The following PLIN4 variants were observed in gnomAD, a reference collection of about 807,000 sequenced individuals.
The protein encoded by PLIN4 is perilipin 4, also known as perilipin-4.
A neutral mutation model predicts 52.4 loss-of-function variants in PLIN4; 57 were observed. The ratio of observed to expected loss-of-function variants is 1.09; its 90% CI spans 0.88 to 1.36. The LOEUF is 1.36. PLIN4 is among the 40% of genes most tolerant of loss of function. The pLI, the probability that PLIN4 is intolerant of heterozygous loss-of-function variation, is 0.00. For missense variants in PLIN4, 1,757 were observed against 1,770.3 expected (o/e 0.99, Z 0.13); for synonymous variants, 826 against 785.4 (o/e 1.05, Z -0.86).
chr19:4,511,368 G>A lies in PLIN4; in HGVS notation c.2592C>T (p.Thr864=), dbSNP rs776309804. Residue 864 remains threonine (T), a synonymous_variant, in exon 5 of 8, where the codon ACC becomes ACT. Coordinates refer to ENST00000301286, the MANE Select transcript of PLIN4 (RefSeq NM_001367868.2). Reference sequence around the variant, plus strand: ...CAGCACCGGTCACCCCACTGCCAAGGGTGTTCTTTGTACCTGTTGCGATAT... The same window carrying A: ...CAGCACCGGTCACCCCACTGCCAAGAGTGTTCTTTGTACCTGTTGCGATAT... ...TQNIATGTKN[T]LGSGVTGAAK... is the part of the protein sequence containing the mutation. The A allele has an allele frequency of 6.4e-6, 10 of 1,573,448 alleles. No homozygotes were observed. The highest frequency in any genetic ancestry group is 7.8e-6 in the Non-Finnish European group (9 of 1,158,952).
At position 4,511,206 on chromosome 19, in the gene PLIN4, G is replaced by T; in HGVS notation, c.2754C>A (p.Asp918Glu). 6.2e-7 allele frequency: 1 copy of T among 1,612,408 alleles called. No homozygotes were observed. Among genetic ancestry groups the T allele is most frequent in the African/African-American group, 1.3e-5 (1 of 75,000 alleles). ...LAKGTVQTGVDTSKTVLTGTK... is the reference protein window; with the variant it reads ...LAKGTVQTGVETSKTVLTGTK... ...TACCGGTCAGGACAGTCTTGCTGGT[G>T]TCCACGCCGGTCTGGACAGTCCCTT... The change falls in exon 5 of 8, where the codon GAC becomes GAA. Residue 918 changes from aspartate (D) to glutamate (E), a missense_variant. Asp to Glu is a conservative substitution (Grantham distance 45). Transcript: ENST00000301286.
intron 6 of PLIN4, among the ~76,000 whole-genome samples, chr19:4,505,866 G>A (rs982722388): frequency 2.0e-5 from 3 of 152,002 alleles, no homozygotes; most frequent in African/African-American, 7.3e-5. Context: ...TATCCACTCT[G>A]CAACCCGCCC....
Position 4,513,558 on chromosome 19 carries a change from G to T in PLIN4, c.402C>A (p.Gly134=). The change falls in exon 5 of 8, where the codon GGC becomes GGA. Residue 134 remains glycine, a synonymous_variant. Coordinates refer to ENST00000301286, the MANE Select transcript of PLIN4 (RefSeq NM_001367868.2). The part of the protein sequence containing the change: ...GLDTTRSALT[G]TKEVVSSGVT... ...CCCCGCTGGACACCACCTCCTTGGT[G>T]CCCGTAAGTGCAGACCGAGTGGTGT... 6.2e-7 allele frequency: 1 copy of T among 1,607,010 alleles called. No homozygotes were observed.
chr19:4,513,289 A>ACG lies in PLIN4; in HGVS notation c.669_670dup (p.Val224AlafsTer9). Reference sequence around the variant, plus strand: ...GGTCAGCACAGCCTTGGAGGTTTCCACGCCAGTCTGGACAGTCCCTTTGGC... The same window carrying ACG: ...GGTCAGCACAGCCTTGGAGGTTTCCACGCGCCAGTCTGGACAGTCCCTTTGGC... On this transcript the variant is annotated frameshift_variant, in exon 5 of 8. Transcript: ENST00000301286. LOFTEE classifies it high-confidence loss of function. 6.2e-7 allele frequency: 1 copy of ACG among 1,613,622 alleles called. No individual in the cohort carries two copies. Among genetic ancestry groups the ACG allele is most frequent in the Non-Finnish European group, 8.5e-7 (1 of 1,179,850 alleles).
At chr19:4,510,381 A>AG in intron 5 of PLIN4, 65 bp downstream of exon 5, 1 of 1,315,680 alleles carries the variant, frequency 7.6e-7, no homozygotes, top group East Asian at 2.8e-5. Flanking sequence ...AAAAAACAAA[A>AG]CAGTCAAGGA....
rs113780287 is a variant in PLIN4, at chr19:4,511,626, T to C, written c.2334A>G (p.Lys778=). 3,001 of 1,156,044 alleles carry C rather than the reference T, an allele frequency of 2.6e-3. 3 individuals are homozygous for C. The African/African-American group carries it at 0.043, about 16-fold the overall frequency. 71.6% of individuals were successfully genotyped at this position (1,156,044 alleles called of 1,614,324 possible). ...TGLTGAVKLA[K]GTVQTGMDTT... ...TGTCCATGCCGGTCTGGACAGTCCC[T>C]TTGGCCAACTTCACAGCCCCTGTGA... Residue 778 remains lysine, a synonymous_variant, in exon 5 of 8, where the codon AAA becomes AAG. Coordinates refer to ENST00000301286, the MANE Select transcript of PLIN4 (RefSeq NM_001367868.2).
At position 4,504,370 on chromosome 19, in the gene PLIN4, C is replaced by A; in HGVS notation, c.*89G>T. Reference sequence around the variant, plus strand: ...AGGTCTAGGGCTTTAGGGAACCGATCCAGGTTTGGGGGCGGGGAGAAAGTT... The same window carrying A: ...AGGTCTAGGGCTTTAGGGAACCGATACAGGTTTGGGGGCGGGGAGAAAGTT... On this transcript the variant is annotated 3_prime_UTR_variant, in exon 8 of 8. Coordinates refer to ENST00000301286, the MANE Select transcript of PLIN4 (RefSeq NM_001367868.2). The A allele has an allele frequency of 7.7e-7, 1 of 1,299,194 alleles. No homozygotes were observed. The highest frequency in any genetic ancestry group is 1.0e-6 in the Non-Finnish European group (1 of 976,340). The allele number at this position is 1,299,194 out of a possible 1,614,324, so 80.5% of individuals were successfully genotyped here.
rs533262798 is a variant in PLIN4, at chr19:4,513,820, C to T, written c.259-119G>A. The T allele has an allele frequency of 2.9e-4, 373 of 1,278,828 alleles. 6 individuals are homozygous for T. Among genetic ancestry groups the T allele is most frequent in the Non-Finnish European group, 1.3e-5 (12 of 959,842 alleles). 79.2% of individuals were successfully genotyped at this position (1,278,828 alleles called of 1,614,324 possible). A position where few individuals can be genotyped will look rare whatever the true frequency, so the allele number is the denominator to read the frequency against. ...GCAAGGAACTGCAGGCACCCAGAGG[C>T]CCCACCTCCTCAAAAAGCAAGCTGC... On this transcript the variant is annotated intron_variant, in intron 4 of 7. Transcript: ENST00000301286.
At position 4,518,045 on chromosome 19, in the gene PLIN4, G is replaced by A. The variant is rs374752898; in HGVS notation, c.51+177C>T. Among the ~76,000 whole-genome samples, 125 of 152,264 alleles carry A rather than the reference G, an allele frequency of 8.2e-4. 1 individual carries two copies. Among genetic ancestry groups the A allele is most frequent in the African/African-American group, 2.3e-3 (96 of 41,552 alleles). On this transcript the variant is annotated intron_variant, in intron 2 of 7. Coordinates refer to ENST00000301286, the MANE Select transcript of PLIN4 (RefSeq NM_001367868.2). ...GTGTCGAGGTCTGCGTGGGTCCCCCGCCTCCAGCTTGGGTCAGAAAGGAAG... is the reference window on the plus strand; with the variant it reads ...GTGTCGAGGTCTGCGTGGGTCCCCCACCTCCAGCTTGGGTCAGAAAGGAAG...
At chr19:4,505,295 C>T (rs1246994352) in intron 6 of PLIN4, among the ~76,000 whole-genome samples, 2 of 152,184 alleles carry the variant, frequency 1.3e-5, no homozygotes, top group African/African-American at 2.4e-5. Context: ...TCTCCCATGG[C>T]ACCCCACTGC....
At position 4,504,474 on chromosome 19, in the gene PLIN4, G is replaced by A. The variant is rs762633048; in HGVS notation, c.4101C>T (p.Pro1367=). The change falls in exon 8 of 8, where the codon CCC becomes CCT. Residue 1367 remains proline, a synonymous_variant. Transcript: ENST00000301286. ...LSWLVGPFAL[P]AGGQ The stretch of plus-strand genomic sequence containing the variant: ...GCTCCTACAGCTACTGCCCGCCAGC[G>A]GGCAAGGCGAAGGGCCCTACCAGCC... 2.0e-5 allele frequency: 32 copies of A among 1,581,082 alleles called. No homozygotes were observed. Among genetic ancestry groups the A allele is most frequent in the East Asian group, 1.4e-4 (6 of 43,940 alleles).
Position 4,510,627 on chromosome 19 carries a change from G to A in PLIN4, c.3333C>T (p.Ala1111=). The A allele has an allele frequency of 6.6e-7, 1 of 1,507,880 alleles. No homozygotes were observed. The highest frequency in any genetic ancestry group is 2.3e-5 in the East Asian group (1 of 43,774). The allele number at this position is 1,507,880 out of a possible 1,614,324, so 93.4% of individuals were successfully genotyped here. ...CGTCAGTCGCAAGGCCCTTGGTAGT[G>A]GCTGCGGCTTCCCAGGCAGGCTCCG... The part of the protein sequence containing the change: ...VGPEPAWEAA[A]TTKGLATDVA... Residue 1111 remains alanine, a synonymous_variant, in exon 5 of 8, where the codon GCC becomes GCT. Transcript: ENST00000301286.
In PLIN4 at chr19:4,504,878, C is replaced by T. The variant is rs1347165050; in HGVS notation, c.3772G>A (p.Asp1258Asn). The T allele has an allele frequency of 2.5e-6, 4 of 1,607,032 alleles. No homozygotes were observed. The highest frequency in any genetic ancestry group is 3.4e-5 in the Admixed American group (2 of 59,148). Residue 1258 changes from aspartate (D) to asparagine (N), a missense_variant, in exon 7 of 8, where the codon GAC becomes AAC. Physicochemically the swap from Asp to Asn is conservative, Grantham distance 23. Around this residue, in one of 7 missense-constraint regions of PLIN4, gnomAD observed 712 missense variants for 637.1 expected, o/e 1.12. Coordinates refer to ENST00000301286, the MANE Select transcript of PLIN4 (RefSeq NM_001367868.2). ...AGACCCACCTCCTGGACAGCAGCGT[C>T]CTCCGCACTGGCACCTGAGCCCTGG... Reference protein sequence around the residue: ...LDQGSGASAEDAAVQEERDAG... With the variant: ...LDQGSGASAENAAVQEERDAG...
chr19:4,518,477 G>T lies in PLIN4; in HGVS notation c.-110C>A, dbSNP rs1170011093. 4.1e-6 allele frequency: 5 copies of T among 1,214,548 alleles called. No individual in the cohort carries two copies. Among genetic ancestry groups the T allele is most frequent in the Non-Finnish European group, 5.1e-6 (5 of 977,434 alleles). The allele number at this position is 1,214,548 out of a possible 1,614,324, so 75.2% of individuals were successfully genotyped here. Reference sequence around the variant, plus strand: ...GTCCCCTGGAGGACGGACCGGCCCGGCTGGCAGCTGGCTCTACCCTCAGCT... The same window carrying T: ...GTCCCCTGGAGGACGGACCGGCCCGTCTGGCAGCTGGCTCTACCCTCAGCT... On this transcript the variant is annotated 5_prime_UTR_variant, in exon 1 of 8. Coordinates refer to ENST00000301286, the MANE Select transcript of PLIN4 (RefSeq NM_001367868.2).
chr19:4,511,935 C>G lies in PLIN4; in HGVS notation c.2025G>C (p.Val675=), dbSNP rs774478949. The G allele has an allele frequency of 5.6e-6, 9 of 1,597,902 alleles. No homozygotes were observed. In the African/African-American group the frequency reaches 8.2e-5, roughly 15 times the overall value. The change falls in exon 5 of 8, where the codon GTG becomes GTC. Residue 675 remains valine, a synonymous_variant. Coordinates refer to ENST00000301286, the MANE Select transcript of PLIN4 (RefSeq NM_001367868.2). ...NTFGSGVTSA[V]NVAKGAAQTG... is the part of the protein sequence containing the mutation. ...TCTGGGCAGCCCCTTTGGCCACATT[C>G]ACAGCACTGGTCACCCCACTGCCAA...
chr19:4,514,999 A>C (rs1437742888), intron 4 of PLIN4, among the ~76,000 whole-genome samples: 2 of 151,614 alleles, frequency 1.3e-5, no homozygotes, highest in African/African-American at 4.8e-5. Flanking sequence ...AACATGGCGA[A>C]ACCCTGTCTC....
chr19:4,502,352 GGCCCA>G lies in PLIN4; in HGVS notation c.*2102_*2106del, dbSNP rs755215947. The G allele has an allele frequency of 7.9e-6, 3 of 377,778 alleles. No individual in the cohort carries two copies. The highest frequency in any genetic ancestry group is 2.1e-5 in the African/African-American group (1 of 46,700). The allele number at this position is 377,778 out of a possible 1,614,324, so 23.4% of individuals were successfully genotyped here. A position where few individuals can be genotyped will look rare whatever the true frequency, so the allele number is the denominator to read the frequency against. On this transcript the variant is annotated 3_prime_UTR_variant, in exon 8 of 8. Transcript: ENST00000301286. ...TGAGAAGCGACTAAAAGGCACTCTG[GGCCCA>G]GCCCAACCCTGAAAGGCCAGTGGCA...
chr19:4,508,920 G>A lies in PLIN4; in HGVS notation c.3550C>T (p.Leu1184=), dbSNP rs374955660. The A allele has an allele frequency of 6.2e-6, 10 of 1,612,810 alleles. No homozygotes were observed. The highest frequency in any genetic ancestry group is 8.5e-6 in the Non-Finnish European group (10 of 1,179,750). Residue 1184 remains leucine, a synonymous_variant, in exon 6 of 8, where the codon CTG becomes TTG. Transcript: ENST00000301286. Reference sequence around the variant, plus strand: ...AAGTAGCTCCCCTGTTCCGCCGACAGCACCTTTGGCCCAGGCTGGGAGGCA... The same window carrying A: ...AAGTAGCTCCCCTGTTCCGCCGACAACACCTTTGGCCCAGGCTGGGAGGCA... The part of the protein sequence containing the change: ...LAASQPGPKV[L]SAEQGSYFVR...
In PLIN4 at chr19:4,510,791, G is replaced by A; in HGVS notation, c.3169C>T (p.Pro1057Ser). 1 of 1,595,594 alleles carries A rather than the reference G, an allele frequency of 6.3e-7. No homozygotes were observed. The highest frequency in any genetic ancestry group is 8.6e-7 in the Non-Finnish European group (1 of 1,168,080). ...CCCCAGGAGGTGGCGGGGGTACTAG[G>A]TAACCAGTTCTGGAAGGTGCTGAGG... is the stretch of plus-strand genomic sequence containing the variant. ...TGLSTFQNWL[P>S]STPATSWGGL... The change falls in exon 5 of 8, where the codon CCT (proline) becomes TCT (serine). Residue 1057 changes from proline to serine, a missense_variant. By Grantham distance (74) the Pro-to-Ser change is moderately conservative (BLOSUM62 -1). This residue lies in a region of PLIN4 where 712 missense variants were observed against 637.1 expected (regional missense o/e 1.12). Coordinates refer to ENST00000301286, the MANE Select transcript of PLIN4 (RefSeq NM_001367868.2).
Sources: allele counts gnomAD v4.1 joint callset (sites outside exome capture counted in the v4.1 genomes callset), GRCh38; gene constraint gnomAD v4.1.1; regional missense constraint gnomAD v4.1.1; transcripts MANE v1.5; gene names NCBI Gene and HGNC (gene_info 2026-07-23, HGNC 2026-07-21).